Variants in RBM44 observed in about 807,000 individuals in gnomAD.
RBM44 encodes RNA binding motif protein 44, also known as RNA-binding protein 44.
Under a neutral mutation model 105.1 loss-of-function variants are expected in RBM44, and 66 were observed. The ratio of observed to expected loss-of-function variants is 0.63; its 90% confidence interval spans 0.52 to 0.77. RBM44 has a LOEUF of 0.77. Ranked by LOEUF, RBM44 falls within the 30% of genes least tolerant of loss-of-function variation. RBM44 has a pLI of 0.00. For missense variants in RBM44, 1,122 were observed against 1,207.8 expected, an observed-to-expected ratio of 0.93 and a Z score of 1.05; for synonymous variants, 365 against 417.6, an observed-to-expected ratio of 0.87 and a Z score of 1.54.
At chr2:237,829,016 T>C (rs1211935678) in intron 12 of RBM44, among the ~76,000 whole-genome samples, 1 of 152,226 alleles carries the variant, frequency 6.6e-6, no homozygotes, top group African/African-American at 2.4e-5. Flanking sequence ...ACTTTTCTTC[T>C]ATTTCCCATC....
Position 237,829,461 on chromosome 2 carries a change from C to T in RBM44, c.2845C>T (p.Leu949=). Reference sequence around the variant, plus strand: ...ATTGCCCAGAACTAGGCCACGGCAGCTGGGTTCTGAGCAAGACAGTGAGGT... The same window carrying T: ...ATTGCCCAGAACTAGGCCACGGCAGTTGGGTTCTGAGCAAGACAGTGAGGT... ...SRLPRTRPRQ[L]GSEQDSEVFP... The change falls in exon 13 of 16, where the codon CTG becomes TTG. Residue 949 remains leucine, a synonymous_variant. Transcript: ENST00000316997. 6.2e-7 allele frequency: 1 copy of T among 1,613,630 alleles called. No homozygotes were observed. The highest frequency in any genetic ancestry group is 8.5e-7 in the Non-Finnish European group (1 of 1,179,672).
chr2:237,837,115 C>T (rs148438896), intron 15 of RBM44, among the ~76,000 whole-genome samples: 316 of 152,224 alleles, frequency 2.1e-3, no homozygotes, highest in African/African-American at 7.3e-3. Context: ...ACCATTGAGA[C>T]CTACTACTCA....
At chr2:237,828,515 G>T (rs991840786) in intron 12 of RBM44, among the ~76,000 whole-genome samples, 7 of 151,758 alleles carry the variant, frequency 4.6e-5, no homozygotes, top group African/African-American at 1.5e-4. Context: ...GAAGTATTTT[G>T]CATTCTGTGT....
chr2:237,810,365 G>T (rs2061646749), intron 1 of RBM44, among the ~76,000 whole-genome samples: 1 of 152,118 alleles, frequency 6.6e-6, no homozygotes, highest in Non-Finnish European at 1.5e-5. Context: ...AATCCTCTTG[G>T]TTTGAACCTC....
chr2:237,818,468 A>C lies in RBM44; in HGVS notation c.1549A>C (p.Ser517Arg). ...TGAATGGCAAAATGAGAAACAAAAAAGTGTGGCTTGTAGTACAGATTGGTC... is the reference window on the plus strand; with the variant it reads ...TGAATGGCAAAATGAGAAACAAAAACGTGTGGCTTGTAGTACAGATTGGTC... ...PDEWQNEKQK[S>R]VACSTDWSYS... The change falls in exon 3 of 16, where the codon AGT becomes CGT. Residue 517 changes from serine to arginine, a missense_variant. Transcript: ENST00000316997. The surrounding 1 kb of genome is among the most constrained non-coding windows in gnomAD (Gnocchi z 4.6). The C allele has an allele frequency of 1.9e-6, 3 of 1,612,986 alleles. No homozygotes were observed. Among genetic ancestry groups the C allele is most frequent in the Non-Finnish European group, 2.5e-6 (3 of 1,179,428 alleles).
chr2:237,838,971 G>A (rs2061984901), intron 15 of RBM44, among the ~76,000 whole-genome samples: 1 of 152,154 alleles, frequency 6.6e-6, no homozygotes, highest in African/African-American at 2.4e-5. Context: ...GTAGCTCCAG[G>A]CTGTCAGGGA....
chr2:237,812,620 T>G (rs2061670857), intron 1 of RBM44, among the ~76,000 whole-genome samples: 1 of 152,176 alleles, frequency 6.6e-6, no homozygotes, highest in Non-Finnish European at 1.5e-5. Flanking sequence ...CAAAATGAAT[T>G]CCTTTTTTTT....
At chr2:237,810,300 A>G (rs933766145) in intron 1 of RBM44, among the ~76,000 whole-genome samples, 1 of 152,240 alleles carries the variant, frequency 6.6e-6, no homozygotes, top group Non-Finnish European at 1.5e-5. Context: ...TGTCAAATAG[A>G]TATCTCACAA....
Position 237,842,428 on chromosome 2 carries a change from T to G in RBM44, c.*612T>G, listed in dbSNP as rs1196352206. The G allele has an allele frequency of 2.0e-5, 3 of 152,110 alleles. No homozygotes were observed. The highest frequency in any genetic ancestry group is 7.2e-5 in the African/African-American group (3 of 41,448). The allele number at this position is 152,110 out of a possible 1,614,324, so 9.4% of individuals were successfully genotyped here. A position where few individuals can be genotyped will look rare whatever the true frequency, so the allele number is the denominator to read the frequency against. The stretch of plus-strand genomic sequence containing the variant: ...ATGACTTCAGTATAAAACATTCAGG[T>G]GTGTTAGCCTTCCCTGGGAAGGGTA... On this transcript the variant is annotated 3_prime_UTR_variant, in exon 16 of 16. Coordinates refer to ENST00000316997, the MANE Select transcript of RBM44 (RefSeq NM_001080504.3).
At chr2:237,832,844 T>C (rs1474410672) in intron 13 of RBM44, among the ~76,000 whole-genome samples, 1 of 152,238 alleles carries the variant, frequency 6.6e-6, no homozygotes, top group African/African-American at 2.4e-5. Context: ...CATGTGACTC[T>C]GGAAAACTAA....
intron 7 of RBM44, 58 bp from the exon 8 acceptor site, chr2:237,821,685 G>A: frequency 8.2e-7 from 1 of 1,212,726 alleles, no homozygotes; most frequent in Non-Finnish European, 1.2e-6. Flanking sequence ...GTTAACTATA[G>A]TCACCTTACT....
chr2:237,821,778 G>A lies in RBM44; in HGVS notation c.2156G>A (p.Arg719Lys), dbSNP rs1057479181. The change falls in exon 8 of 16, where the codon AGG becomes AAG. Residue 719 changes from arginine to lysine, a missense_variant. This residue lies in a region of RBM44 where 918 missense variants were observed against 955.3 expected (regional missense o/e 0.96). Coordinates refer to ENST00000316997, the MANE Select transcript of RBM44 (RefSeq NM_001080504.3). ...GCAGATGCTGAACAAGATAATCAGAGGGCTCATGATGTTGATGTTTCTTCA... is the reference window on the plus strand; with the variant it reads ...GCAGATGCTGAACAAGATAATCAGAAGGCTCATGATGTTGATGTTTCTTCA... Reference protein sequence around the residue: ...SEADAEQDNQRAHDVDVSSNL... With the variant: ...SEADAEQDNQKAHDVDVSSNL... The A allele has an allele frequency of 7.4e-6, 12 of 1,611,206 alleles. No homozygotes were observed. The highest frequency in any genetic ancestry group is 7.6e-6 in the Non-Finnish European group (9 of 1,178,298).
intron 1 of RBM44, among the ~76,000 whole-genome samples, chr2:237,807,953 A>C (rs1390236398): frequency 1.3e-5 from 2 of 152,234 alleles, no homozygotes; most frequent in Non-Finnish European, 2.9e-5. Flanking sequence ...TATCAAATAT[A>C]GTTCTAGAAC....
intron 2 of RBM44, among the ~76,000 whole-genome samples, chr2:237,816,155 C>T (rs2061712263): frequency 1.3e-5 from 2 of 152,110 alleles, no homozygotes; most frequent in African/African-American, 4.8e-5. Context: ...TATTTTGTTT[C>T]AAAACACTTT....
rs1351057323 is a variant in RBM44 at position 237,818,511 on chromosome 2, T to C, written c.1592T>C (p.Ile531Thr). 1 of 1,610,644 alleles carries C rather than the reference T, an allele frequency of 6.2e-7. No individual in the cohort carries two copies. Among genetic ancestry groups the C allele is most frequent in the Non-Finnish European group, 8.5e-7 (1 of 1,178,280 alleles). ...GATTGGTCATACAGTGAAGATTGTA[T>C]AGATACACAGATGGCTATAACAAAA... ...STDWSYSEDC[I>T]DTQMAITKGS... Residue 531 changes from isoleucine (I) to threonine (T), a missense_variant, in exon 3 of 16, where the codon ATA becomes ACA. Physicochemically the swap from Ile to Thr is moderately conservative, Grantham distance 89 (BLOSUM62 -1). This residue lies in a region of RBM44 where 918 missense variants were observed against 955.3 expected (regional missense o/e 0.96). Transcript: ENST00000316997. The surrounding 1 kb of genome is among the most constrained non-coding windows in gnomAD (Gnocchi z 4.6).
intron 5 of RBM44, chr2:237,820,828 A>G (rs1053330210): frequency 2.9e-6 from 1 of 345,866 alleles, no homozygotes; most frequent in Non-Finnish European, 5.1e-6. Flanking sequence ...CAGGAGAATC[A>G]CTTAAGGCCA....
intron 5 of RBM44, 145 bp from the exon 6 acceptor site, chr2:237,820,926 A>C (rs2061780464): frequency 1.7e-6 from 1 of 575,886 alleles, no homozygotes; most frequent in African/African-American, 1.9e-5. Flanking sequence ...TGTGGCACAC[A>C]TGTAGTCCTA....
intron 1 of RBM44, among the ~76,000 whole-genome samples, chr2:237,801,752 CT>C (rs1490943498): frequency 6.6e-6 from 1 of 152,202 alleles, no homozygotes; most frequent in Non-Finnish European, 1.5e-5. Context: ...CCCTTCTCTG[CT>C]TCTTCTTAGC....
At chr2:237,832,341 A>C (rs1272377272) in intron 13 of RBM44, among the ~76,000 whole-genome samples, 1 of 151,886 alleles carries the variant, frequency 6.6e-6, no homozygotes, top group Non-Finnish European at 1.5e-5. Context: ...TTCTGTAGAG[A>C]CCAGGTCGTG....
Sources: gnomAD v4.1 joint callset for allele counts (sites outside exome capture counted in the v4.1 genomes callset) on GRCh38, gnomAD v4.1.1 for gene constraint, gnomAD v4.1.1 regional missense constraint, Gnocchi (gnomAD v3.1) non-coding constraint, MANE v1.5 for transcripts, NCBI Gene and HGNC (gene_info 2026-07-23, HGNC 2026-07-21) for gene names.